The following SORCS1 variants were observed in gnomAD, a reference collection of about 807,000 sequenced individuals.
SORCS1 encodes VPS10 domain-containing receptor SorCS1.
A neutral mutation model predicts 146.1 loss-of-function variants in SORCS1; 60 were observed. That is an observed-to-expected ratio of 0.41 (90% CI 0.33 to 0.51). SORCS1 has a LOEUF of 0.51. Ranked by LOEUF, SORCS1 falls within the 20% of genes least tolerant of loss-of-function variation. The pLI, the probability that SORCS1 is intolerant of heterozygous loss-of-function variation, is 0.21. For synonymous variants in SORCS1, 637 were observed against 584.0 expected, an observed-to-expected ratio of 1.09 and a Z score of -1.31; for missense variants, 1,352 against 1,487.6, an observed-to-expected ratio of 0.91 and a Z score of 1.50.
chr10:106,794,501 CTTTTTTT>C (rs35647552), intron 3 of SORCS1, among the ~76,000 whole-genome samples: 1 of 126,068 alleles, frequency 7.9e-6, no homozygotes, highest in African/African-American at 2.9e-5. Context: ...TTTTCTTTTT[CTTTTTTT>C]TTTTTTTTTT....
At chr10:106,800,773 C>T (rs1263567994) in intron 3 of SORCS1, among the ~76,000 whole-genome samples, 1 of 152,022 alleles carries the variant, frequency 6.6e-6, no homozygotes, top group East Asian at 1.9e-4. Context: ...GATCTCCTGA[C>T]CTTGTGATCT....
intron 22 of SORCS1, 40 bp downstream of exon 22, chr10:106,611,870 GA>G: frequency 6.8e-7 from 1 of 1,460,462 alleles, no homozygotes; most frequent in Non-Finnish European, 9.6e-7. Context: ...AGGACAGAGA[GA>G]AAAGGTACCC....
At chr10:106,882,300 T>C (rs367666943) in intron 2 of SORCS1, among the ~76,000 whole-genome samples, 1 of 151,648 alleles carries the variant, frequency 6.6e-6, no homozygotes, top group Admixed American at 6.6e-5. Flanking sequence ...ACCAAAAAAG[T>C]CTCATAATGT....
At chr10:106,747,473 C>G (rs1288803921) in intron 5 of SORCS1, among the ~76,000 whole-genome samples, 1 of 152,162 alleles carries the variant, frequency 6.6e-6, no homozygotes, top group Admixed American at 6.5e-5. Flanking sequence ...ATAAATACAT[C>G]AGGGCTCATC....
chr10:106,653,238 T>C (rs935653459), intron 17 of SORCS1, among the ~76,000 whole-genome samples: 2 of 152,248 alleles, frequency 1.3e-5, no homozygotes, highest in African/African-American at 2.4e-5. Flanking sequence ...ATCAGATTCA[T>C]AGAAAATTAA....
At chr10:106,854,347 T>C (rs1949702171) in intron 2 of SORCS1, among the ~76,000 whole-genome samples, 1 of 152,070 alleles carries the variant, frequency 6.6e-6, no homozygotes, top group African/African-American at 2.4e-5. Context: ...ATCTTTGTCT[T>C]TGAAGTGGGT....
chr10:106,900,760 C>T (rs978597371), intron 2 of SORCS1, among the ~76,000 whole-genome samples: 1 of 152,070 alleles, frequency 6.6e-6, no homozygotes, highest in Non-Finnish European at 1.5e-5. Flanking sequence ...TGGTTGAACT[C>T]GACTAAGACA....
At chr10:106,681,129 C>T (rs1283378110) in intron 10 of SORCS1, among the ~76,000 whole-genome samples, 1 of 152,140 alleles carries the variant, frequency 6.6e-6, no homozygotes, top group African/African-American at 2.4e-5. Flanking sequence ...AAATATCAGG[C>T]CTAGACTCTT....
chr10:106,788,728 G>A (rs1223772041), intron 3 of SORCS1, among the ~76,000 whole-genome samples: 5 of 152,216 alleles, frequency 3.3e-5, no homozygotes, highest in African/African-American at 9.6e-5. Flanking sequence ...CACACCAGCT[G>A]CTTTCATGGG....
At chr10:106,822,802 T>TTTTTTTTTTTTTTTTTTTTG (rs994708912) in intron 3 of SORCS1, among the ~76,000 whole-genome samples, 25 of 140,188 alleles carry the variant, frequency 1.8e-4, no homozygotes, top group East Asian at 6.9e-4. Flanking sequence ...TTTTTTTTTT[T>TTTTTTTTTTTTTTTTTTTTG]GAATATTGCT....
At chr10:107,144,417 T>A (rs1454832508) in intron 1 of SORCS1, among the ~76,000 whole-genome samples, 1 of 152,186 alleles carries the variant, frequency 6.6e-6, no homozygotes, top group African/African-American at 2.4e-5. Flanking sequence ...GGCACATGCA[T>A]CCATATTTTT....
At chr10:106,798,930 T>G (rs1946729275) in intron 3 of SORCS1, among the ~76,000 whole-genome samples, 1 of 152,198 alleles carries the variant, frequency 6.6e-6, no homozygotes, top group Non-Finnish European at 1.5e-5. Flanking sequence ...AAGACAATCC[T>G]AAGCCAAAAG....
intron 1 of SORCS1, among the ~76,000 whole-genome samples, chr10:107,150,566 T>G (rs888574260): frequency 6.6e-6 from 1 of 152,216 alleles, no homozygotes; most frequent in African/African-American, 2.4e-5. Context: ...GGACCAGTTC[T>G]TCTATGCCCT....
intron 4 of SORCS1, among the ~76,000 whole-genome samples, chr10:106,769,586 T>C (rs758449278): frequency 6.6e-6 from 1 of 151,956 alleles, no homozygotes; most frequent in Non-Finnish European, 1.5e-5. Flanking sequence ...GTAGAATAGA[T>C]ATGAAACTTT....
At chr10:107,041,402 A>AT (rs1959145924) in intron 1 of SORCS1, among the ~76,000 whole-genome samples, 2 of 110,180 alleles carry the variant, frequency 1.8e-5, no homozygotes, top group Non-Finnish European at 4.0e-5. Flanking sequence ...TCTAAAGGGG[A>AT]TTAAAAAAAA....
intron 1 of SORCS1, among the ~76,000 whole-genome samples, chr10:107,113,116 T>C (rs1417047865): frequency 6.6e-6 from 1 of 152,184 alleles, no homozygotes; most frequent in Non-Finnish European, 1.5e-5. Flanking sequence ...CACAAAACAA[T>C]TCTTAACAAA....
intron 2 of SORCS1, among the ~76,000 whole-genome samples, chr10:106,919,044 C>T (rs896904158): frequency 1.3e-5 from 2 of 152,062 alleles, no homozygotes; most frequent in Non-Finnish European, 2.9e-5. Context: ...GCCACATTGC[C>T]CATGCTGGCC....
intron 23 of SORCS1, among the ~76,000 whole-genome samples, chr10:106,599,027 G>T (rs913458857): frequency 3.3e-5 from 5 of 152,170 alleles, no homozygotes; most frequent in Non-Finnish European, 7.3e-5. Context: ...ACTTTATTCT[G>T]TGTATTAGGC....
chr10:106,972,574 A>C (rs1015228197), intron 1 of SORCS1, among the ~76,000 whole-genome samples: 1 of 148,738 alleles, frequency 6.7e-6, no homozygotes, highest in African/African-American at 2.6e-5. Flanking sequence ...CTTGCCCAAG[A>C]TCAGCTAGGT....
Sources: allele counts gnomAD v4.1 joint callset (sites outside exome capture counted in the v4.1 genomes callset), GRCh38; gene constraint gnomAD v4.1.1; transcripts MANE v1.5; gene names NCBI Gene and HGNC (gene_info 2026-07-23, HGNC 2026-07-21).